Variants in TERB1 observed in about 807,000 individuals in gnomAD.
The protein encoded by TERB1 is telomere repeats-binding bouquet formation protein 1.
In TERB1, 63 loss-of-function variants were observed where a neutral mutation model predicts 92.3. The ratio of observed to expected loss-of-function variants is 0.68; its 90% CI spans 0.56 to 0.84. The LOEUF is 0.84. Ranked by LOEUF, TERB1 falls within the 40% of genes least tolerant of loss-of-function variation. The pLI is 0.00. For missense variants in TERB1, 709 were observed against 843.7 expected (o/e 0.84, Z 1.98); for synonymous variants, 252 against 283.9 (o/e 0.89, Z 1.13).
In TERB1 at chr16:66,754,953, A is replaced by G; in HGVS notation, c.*23T>C. 5 of 1,532,424 alleles carry G rather than the reference A, an allele frequency of 3.3e-6. No individual in the cohort carries two copies. The highest frequency in any genetic ancestry group is 1.4e-5 in the African/African-American group (1 of 71,848). The allele number at this position is 1,532,424 out of a possible 1,614,324, so 94.9% of individuals were successfully genotyped here. On this transcript the variant is annotated 3_prime_UTR_variant, in exon 19 of 19. Transcript: ENST00000433154. ...GCACTGTATTTTAAGAATCCAAACT[A>G]AAAACTGACAGTCTTCTTTCAATCA...
Position 66,774,771 on chromosome 16 carries a change from C to A in TERB1, c.1111+347G>T, listed in dbSNP as rs1312955208. Among the ~76,000 whole-genome samples, 3 of 151,366 alleles carry A rather than the reference C, an allele frequency of 2.0e-5. No individual in the cohort carries two copies. In the East Asian group the frequency reaches 5.8e-4, roughly 29 times the overall value. ...CAAACACAGCTCACTGCAGCCTCGA[C>A]CTGAGCAACTCCTGAGCTCAGATGA... On this transcript the variant is annotated intron_variant, in intron 12 of 18. Transcript: ENST00000433154.
intron 16 of TERB1, among the ~76,000 whole-genome samples, chr16:66,765,310 G>T (rs981407688): frequency 4.6e-5 from 7 of 152,168 alleles, no homozygotes; most frequent in Non-Finnish European, 7.3e-5. Context: ...TAAGCCAAAA[G>T]AAATGCCTAA....
intron 3 of TERB1, among the ~76,000 whole-genome samples, chr16:66,793,150 G>T (rs970542769): frequency 4.7e-5 from 7 of 148,678 alleles, no homozygotes; most frequent in Non-Finnish European, 1.0e-4. Flanking sequence ...CATACTAAGA[G>T]AAATTAAGAT....
chr16:66,763,045 A>C (rs1236340521), intron 16 of TERB1, among the ~76,000 whole-genome samples: 1 of 152,090 alleles, frequency 6.6e-6, no homozygotes, highest in East Asian at 1.9e-4. Flanking sequence ...TGCTTAATAT[A>C]ATCTAACATC....
chr16:66,790,829 G>A, intron 4 of TERB1, 80 bp downstream of exon 4: 1 of 1,401,596 alleles, frequency 7.1e-7, no homozygotes, highest in Non-Finnish European at 9.8e-7. Flanking sequence ...CTGAATGGAA[G>A]ATAAAGAACT....
intron 15 of TERB1, 39 bp from the exon 16 acceptor site, chr16:66,767,549 G>A (rs1011203446): frequency 1.1e-6 from 1 of 880,026 alleles, no homozygotes; most frequent in Non-Finnish European, 1.8e-6. Context: ...TTGGATTAAT[G>A]AAAAGAATCA....
At chr16:66,763,190 T>C (rs2018281241) in intron 16 of TERB1, among the ~76,000 whole-genome samples, 1 of 151,168 alleles carries the variant, frequency 6.6e-6, no homozygotes, top group Non-Finnish European at 1.5e-5. Context: ...AGGCTGGACT[T>C]GCACTCCTGG....
Position 66,778,862 on chromosome 16 carries a change from C to T in TERB1, c.853+1G>A. The T allele has an allele frequency of 2.0e-6, 3 of 1,482,676 alleles. No individual in the cohort carries two copies. Among genetic ancestry groups the T allele is most frequent in the East Asian group, 2.5e-5 (1 of 39,306 alleles). The allele number at this position is 1,482,676 out of a possible 1,614,324, so 91.8% of individuals were successfully genotyped here. On this transcript the variant is annotated splice_donor_variant, in intron 10 of 18. Transcript: ENST00000433154. LOFTEE classifies it high-confidence loss of function. ...AAAAACTAGTAAGCACTGTCACTCA[C>T]GATTATCAGCAATGCATGCATCCAC...
At chr16:66,794,845 G>A (rs1430441285) in intron 3 of TERB1, among the ~76,000 whole-genome samples, 1 of 151,810 alleles carries the variant, frequency 6.6e-6, no homozygotes, top group Non-Finnish European at 1.5e-5. Context: ...GGGAGGCCGA[G>A]CTTGCAGTGA....
intron 12 of TERB1, among the ~76,000 whole-genome samples, chr16:66,773,884 CTT>C (rs879344957): frequency 6.8e-6 from 1 of 146,438 alleles, no homozygotes; most frequent in African/African-American, 2.5e-5. Flanking sequence ...GAAACTCAAA[CTT>C]TTTTTTTTTT....
intron 6 of TERB1, among the ~76,000 whole-genome samples, chr16:66,786,975 C>T (rs1250686776): frequency 2.0e-5 from 3 of 152,154 alleles, no homozygotes; most frequent in African/African-American, 7.2e-5. Flanking sequence ...GGAAGGGTGG[C>T]ATGAGAGAGT....
intron 16 of TERB1, among the ~76,000 whole-genome samples, chr16:66,761,395 T>G (rs1217814529): frequency 1.5e-5 from 2 of 137,182 alleles, no homozygotes; most frequent in Non-Finnish European, 3.0e-5. Context: ...GAGGTTGCAG[T>G]GAGCTGAGAC....
intron 6 of TERB1, among the ~76,000 whole-genome samples, chr16:66,786,560 T>C (rs2018732133): frequency 6.6e-6 from 1 of 152,232 alleles, no homozygotes; most frequent in Admixed American, 6.5e-5. Context: ...TCAAGATAAG[T>C]TCCAAAATGG....
At chr16:66,792,862 AT>A (rs932567117) in intron 3 of TERB1, among the ~76,000 whole-genome samples, 51 of 151,568 alleles carry the variant, frequency 3.4e-4, no homozygotes, top group African/African-American at 1.1e-3. Flanking sequence ...TATAATACAG[AT>A]TTTTTTTTAG....
chr16:66,794,274 A>G (rs924223468), intron 3 of TERB1, among the ~76,000 whole-genome samples: 1 of 151,192 alleles, frequency 6.6e-6, no homozygotes, highest in East Asian at 2.0e-4. Flanking sequence ...TAATTTTTAT[A>G]TTTTTTGTAT....
chr16:66,786,025 T>C lies in TERB1; in HGVS notation c.566A>G (p.Asn189Ser), dbSNP rs748282425. 8.4e-6 allele frequency: 13 copies of C among 1,546,936 alleles called. No homozygotes were observed. The highest frequency in any genetic ancestry group is 8.2e-5 in the African/African-American group (6 of 72,906). ...TGACAGATAATTACCATTTTGAGGA[T>C]TGTTGACACAGACACACAGAGTACT... Reference protein sequence around the residue: ...VCSTLCVCVNNPQNDENQMFC... With the variant: ...VCSTLCVCVNSPQNDENQMFC... Residue 189 changes from asparagine to serine, a missense_variant, in exon 8 of 19, where the codon AAT becomes AGT. Physicochemically the swap from Asn to Ser is conservative, Grantham distance 46. Transcript: ENST00000433154.
chr16:66,786,212 T>C lies in TERB1; in HGVS notation c.461+13A>G. 1 of 1,545,982 alleles carries C rather than the reference T, an allele frequency of 6.5e-7. No individual in the cohort carries two copies. Among genetic ancestry groups the C allele is most frequent in the Non-Finnish European group, 8.7e-7 (1 of 1,143,120 alleles). On this transcript the variant is annotated intron_variant, in intron 7 of 18. Transcript: ENST00000433154. ...AATGAATAATTAACAAAAAGAAATT[T>C]GTATTTGTTTACCTGAATAACCGTG...
At chr16:66,761,109 C>CAA (rs34199990) in intron 16 of TERB1, among the ~76,000 whole-genome samples, 27,614 of 70,742 alleles carry the variant, frequency 0.39, 4,415 homozygotes, top group East Asian at 0.62. Context: ...GACTCCACCT[C>CAA]AAAAAAAAAA....
chr16:66,790,460 G>C (rs1262958082), intron 5 of TERB1, 135 bp downstream of exon 5: 3 of 571,620 alleles, frequency 5.2e-6, no homozygotes, highest in African/African-American at 4.0e-5. Context: ...GAAGGGAGGG[G>C]GGAAGGAGGC....
Sources: gnomAD v4.1 joint callset for allele counts (sites outside exome capture counted in the v4.1 genomes callset) on GRCh38, gnomAD v4.1.1 for gene constraint, MANE v1.5 for transcripts, NCBI Gene and HGNC (gene_info 2026-07-23, HGNC 2026-07-21) for gene names.